The following LINGO2 variants were observed in gnomAD, a reference collection of about 807,000 sequenced individuals.
The protein encoded by LINGO2 is leucine-rich repeat and immunoglobulin-like domain-containing nogo receptor-interacting protein 2.
A neutral mutation model predicts 30.6 loss-of-function variants in LINGO2; 14 were observed. The ratio of observed to expected loss-of-function variants is 0.46; its 90% CI spans 0.30 to 0.72. The LOEUF is 0.72. Ranked by LOEUF, LINGO2 falls within the 30% of genes least tolerant of loss-of-function variation. The pLI, the probability that LINGO2 is intolerant of heterozygous loss-of-function variation, is 0.07. For missense variants in LINGO2, 729 were observed against 751.7 expected, an observed-to-expected ratio of 0.97 and a Z score of 0.35; for synonymous variants, 317 against 288.5, an observed-to-expected ratio of 1.10 and a Z score of -1.00.
chr9:28,495,676 T>C (rs1371069600), intron 1 of LINGO2, among the ~76,000 whole-genome samples: 4 of 152,226 alleles, frequency 2.6e-5, no homozygotes, highest in Admixed American at 2.6e-4. Context: ...TGCTCTGATC[T>C]TAGTTATTTC....
intron 1 of LINGO2, among the ~76,000 whole-genome samples, chr9:28,534,152 C>T (rs1564272491): frequency 6.6e-6 from 1 of 151,018 alleles, no homozygotes; most frequent in Non-Finnish European, 1.5e-5. Context: ...AAATCTCATT[C>T]TGCTTTATTT....
intron 5 of LINGO2, among the ~76,000 whole-genome samples, chr9:27,956,460 AGATAT>A (rs1463794835): frequency 6.6e-6 from 1 of 152,148 alleles, no homozygotes; most frequent in Non-Finnish European, 1.5e-5. Context: ...GTTCTTTATT[AGATAT>A]ATGTATTGTG....
At chr9:29,143,252 C>T in the LINGO2 span, among the ~76,000 whole-genome samples, 1 of 152,002 alleles carries the variant, frequency 6.6e-6, no homozygotes, top group African/African-American at 2.4e-5. Context: ...TACACAAGAT[C>T]ATCTACAGAT....
At position 28,602,646 on chromosome 9, in the gene LINGO2, T is replaced by A. The variant is rs140843976; in HGVS notation, c.-365+67554A>T. 2.6e-3 allele frequency among the ~76,000 whole-genome samples: 391 copies of A among 152,222 alleles called. 4 individuals are homozygous for A. The highest frequency in any genetic ancestry group is 9.0e-3 in the African/African-American group (373 of 41,564). On this transcript the variant is annotated intron_variant, in intron 1 of 5. Transcript: ENST00000379992. The stretch of plus-strand genomic sequence containing the variant: ...AAAGACATACTTATAAATGCTTTAG[T>A]TTATGTATTTTTTTATTCTAAGAAG...
the LINGO2 span, among the ~76,000 whole-genome samples, chr9:28,978,331 T>C: frequency 6.6e-6 from 1 of 152,136 alleles, no homozygotes; most frequent in African/African-American, 2.4e-5. Flanking sequence ...ATAGTGCTTT[T>C]GGGCTAGATT....
chr9:28,941,402 C>A, the LINGO2 span, among the ~76,000 whole-genome samples: 2 of 152,098 alleles, frequency 1.3e-5, no homozygotes, highest in African/African-American at 4.8e-5. Context: ...CAGCTTGGGG[C>A]AGCATATAAT....
the LINGO2 span, among the ~76,000 whole-genome samples, chr9:28,907,186 T>C: frequency 6.6e-6 from 1 of 151,880 alleles, no homozygotes; most frequent in Admixed American, 6.6e-5. Context: ...CATGATTAAA[T>C]GTCCACATGA....
At chr9:28,012,468 T>G (rs1193319372) in intron 4 of LINGO2, 1 of 152,128 alleles carries the variant, frequency 6.6e-6, no homozygotes, top group Non-Finnish European at 1.5e-5. Flanking sequence ...TAACCTTCTC[T>G]ACTGCCTTTC....
rs565907362 is a variant in LINGO2, at chr9:28,547,812, G to A, written c.-364-71787C>T. Reference sequence around the variant, plus strand: ...AAGGCTGAACATATACAGAGTGAATGGTGAATACAAAGCTGAAACCAATGT... The same window carrying A: ...AAGGCTGAACATATACAGAGTGAATAGTGAATACAAAGCTGAAACCAATGT... On this transcript the variant is annotated intron_variant, in intron 1 of 5. Transcript: ENST00000379992. Among the ~76,000 whole-genome samples the A allele has an allele frequency of 2.4e-4, 37 of 152,180 alleles. 1 individual carries two copies. The South Asian group carries it at 7.7e-3, about 32-fold the overall frequency.
At chr9:28,653,016 T>C (rs1828179570) in intron 1 of LINGO2, among the ~76,000 whole-genome samples, 1 of 152,178 alleles carries the variant, frequency 6.6e-6, no homozygotes, top group Non-Finnish European at 1.5e-5. Context: ...ATATATTATC[T>C]ATAGTTTATA....
At chr9:29,002,648 C>T in the LINGO2 span, among the ~76,000 whole-genome samples, 2 of 152,036 alleles carry the variant, frequency 1.3e-5, no homozygotes, top group South Asian at 4.1e-4. Flanking sequence ...GGGAGTCTCT[C>T]TTCCTGCAAG....
the LINGO2 span, among the ~76,000 whole-genome samples, chr9:28,992,205 G>A: frequency 2.6e-5 from 4 of 151,540 alleles, no homozygotes; most frequent in Non-Finnish European, 4.4e-5. Flanking sequence ...AAAAAGGCAG[G>A]GGTTGCAATC....
At chr9:28,163,407 G>A (rs1039040046) in intron 4 of LINGO2, among the ~76,000 whole-genome samples, 1 of 152,068 alleles carries the variant, frequency 6.6e-6, no homozygotes, top group Non-Finnish European at 1.5e-5. Flanking sequence ...TGAATGCAAA[G>A]TCTTTGTTAT....
the LINGO2 span, among the ~76,000 whole-genome samples, chr9:28,854,306 C>G: frequency 1.3e-5 from 2 of 151,864 alleles, no homozygotes; most frequent in Non-Finnish European, 2.9e-5. Flanking sequence ...TGAAGAAGAC[C>G]ACAGCTACAT....
the LINGO2 span, among the ~76,000 whole-genome samples, chr9:29,203,338 A>G: frequency 6.6e-6 from 1 of 152,208 alleles, no homozygotes; most frequent in Non-Finnish European, 1.5e-5. Context: ...ATGTTACACA[A>G]CTACTTGGAA....
chr9:28,835,286 A>G, the LINGO2 span, among the ~76,000 whole-genome samples: 1 of 152,222 alleles, frequency 6.6e-6, no homozygotes, highest in Non-Finnish European at 1.5e-5. Flanking sequence ...TGGTATGGGG[A>G]CTTTTCTGAA....
At chr9:28,596,436 T>C (rs1490143039) in intron 1 of LINGO2, among the ~76,000 whole-genome samples, 1 of 152,210 alleles carries the variant, frequency 6.6e-6, no homozygotes, top group Non-Finnish European at 1.5e-5. Flanking sequence ...AGTTGGATGC[T>C]TCTTAACAAA....
the LINGO2 span, among the ~76,000 whole-genome samples, chr9:28,961,045 T>C: frequency 1.3e-5 from 2 of 152,142 alleles, no homozygotes; most frequent in Admixed American, 6.5e-5. Flanking sequence ...CTCATGTATA[T>C]TTCTGATATG....
chr9:28,845,427 C>A, the LINGO2 span, among the ~76,000 whole-genome samples: 1 of 151,894 alleles, frequency 6.6e-6, no homozygotes, highest in East Asian at 1.9e-4. Context: ...CCTATTATGT[C>A]TTATGAAAAT....
Sources: allele counts gnomAD v4.1 joint callset (sites outside exome capture counted in the v4.1 genomes callset), GRCh38; gene constraint gnomAD v4.1.1; transcripts MANE v1.5; gene names NCBI Gene and HGNC (gene_info 2026-07-23, HGNC 2026-07-21).